RPS6KB1: variants seen among roughly 807,000 people sequenced by gnomAD.
The protein encoded by RPS6KB1 is ribosomal protein S6 kinase beta-1.
Under a neutral mutation model 70.2 loss-of-function variants are expected in RPS6KB1, and 12 were observed. The observed-to-expected ratio is 0.17, with a 90% CI of 0.11 to 0.28. The LOEUF (loss-of-function observed/expected upper bound fraction) is 0.28, where lower values mean the gene tolerates loss of function less well. Ranked by LOEUF, RPS6KB1 falls within the 10% of genes least tolerant of loss-of-function variation. The pLI is 1.00. For synonymous variants in RPS6KB1, 175 were observed against 211.2 expected, an observed-to-expected ratio of 0.83 and a Z score of 1.49; for missense variants, 270 against 646.6, an observed-to-expected ratio of 0.42 and a Z score of 6.32.
At chr17:59,915,792 T>TTTTG (rs2042922496) in intron 4 of RPS6KB1, among the ~76,000 whole-genome samples, 1 of 133,502 alleles carries the variant, frequency 7.5e-6, no homozygotes, top group South Asian at 2.4e-4. Flanking sequence ...TTTTTTTTTT[T>TTTTG]TTTTTTTATT....
At chr17:59,927,804 C>T (rs1458799910) in intron 5 of RPS6KB1, among the ~76,000 whole-genome samples, 5 of 151,180 alleles carry the variant, frequency 3.3e-5, no homozygotes, top group Admixed American at 1.3e-4. Flanking sequence ...ACTGTGCCCG[C>T]CCGGAAAAAC....
intron 4 of RPS6KB1, among the ~76,000 whole-genome samples, chr17:59,922,873 T>TG (rs1029467094): frequency 1.9e-5 from 2 of 107,204 alleles, no homozygotes; most frequent in African/African-American, 6.2e-5. Context: ...AATTTGTTTG[T>TG]TTTTTTTTTT....
chr17:59,909,461 T>G (rs1265006004), intron 1 of RPS6KB1, among the ~76,000 whole-genome samples: 1 of 150,474 alleles, frequency 6.6e-6, no homozygotes, highest in Non-Finnish European at 1.5e-5. Context: ...AGAGACTGGA[T>G]TTCATCGTAT....
At chr17:59,943,135 A>G (rs1227095608) in intron 13 of RPS6KB1, among the ~76,000 whole-genome samples, 1 of 152,226 alleles carries the variant, frequency 6.6e-6, no homozygotes, top group African/African-American at 2.4e-5. Flanking sequence ...ACAGTATTAC[A>G]TAAGAGATAA....
At chr17:59,900,780 T>C (rs760736992) in intron 1 of RPS6KB1, among the ~76,000 whole-genome samples, 8 of 152,134 alleles carry the variant, frequency 5.3e-5, no homozygotes, top group Non-Finnish European at 1.2e-4. Flanking sequence ...TGCTGCCAAG[T>C]TTTTTGTTGT....
rs2145089852 is a variant in RPS6KB1, at chr17:59,947,377, A to C, written c.*589A>C. On this transcript the variant is annotated 3_prime_UTR_variant, in exon 15 of 15. Coordinates refer to ENST00000225577, the MANE Select transcript of RPS6KB1 (RefSeq NM_003161.4). ...AAAACATCCCAAACTTTAAAATGCG[A>C]AATTATTGGTTGGTGTGAAGAAAGC... 1 of 1,225,336 alleles carries C rather than the reference A, an allele frequency of 8.2e-7. No homozygotes were observed. Among genetic ancestry groups the C allele is most frequent in the Admixed American group, 4.3e-5 (1 of 23,452 alleles). The allele number at this position is 1,225,336 out of a possible 1,614,324, so 75.9% of individuals were successfully genotyped here.
rs2044930541 is a variant in RPS6KB1 at position 59,946,457 on chromosome 17, G to A, written c.1341-94G>A. ...AAAATAAAATTAAATGAAAATAAATGTCATGTTACCCCACTCCCTTTAAAC... is the reference window on the plus strand; with the variant it reads ...AAAATAAAATTAAATGAAAATAAATATCATGTTACCCCACTCCCTTTAAAC... On this transcript the variant is annotated intron_variant, in intron 14 of 14. Transcript: ENST00000225577. This position sits in a 1 kb window ranked among gnomAD's most constrained non-coding sequence, Gnocchi z 4.2. The A allele has an allele frequency of 2.1e-6, 2 of 946,588 alleles. No individual in the cohort carries two copies. Among genetic ancestry groups the A allele is most frequent in the African/African-American group, 3.3e-5 (2 of 60,614 alleles). The allele number at this position is 946,588 out of a possible 1,614,324, so 58.6% of individuals were successfully genotyped here. A position where few individuals can be genotyped will look rare whatever the true frequency, so the allele number is the denominator to read the frequency against.
chr17:59,905,534 TG>T (rs1456640414), intron 1 of RPS6KB1, among the ~76,000 whole-genome samples: 3 of 151,878 alleles, frequency 2.0e-5, no homozygotes, highest in Admixed American at 6.6e-5. Flanking sequence ...GACGGAGTTT[TG>T]CTCTTGTTGC....
intron 12 of RPS6KB1, among the ~76,000 whole-genome samples, chr17:59,939,356 A>G (rs563829531): frequency 6.6e-6 from 1 of 152,092 alleles, no homozygotes; most frequent in Non-Finnish European, 1.5e-5. Flanking sequence ...ATCTCTGTCT[A>G]CTGCAGCCTT....
chr17:59,944,508 C>T (rs2044804313), intron 13 of RPS6KB1, among the ~76,000 whole-genome samples: 1 of 152,034 alleles, frequency 6.6e-6, no homozygotes. Context: ...TAGCTTGGGT[C>T]CAGGAGTTTG....
At chr17:59,897,081 G>T (rs1011840803) in intron 1 of RPS6KB1, among the ~76,000 whole-genome samples, 1 of 152,168 alleles carries the variant, frequency 6.6e-6, no homozygotes, top group African/African-American at 2.4e-5. Context: ...TGAGGCATAG[G>T]CCATATGATA....
intron 12 of RPS6KB1, among the ~76,000 whole-genome samples, chr17:59,938,855 CTA>C (rs1339748262): frequency 6.6e-6 from 1 of 151,908 alleles, no homozygotes; most frequent in Non-Finnish European, 1.5e-5. Flanking sequence ...GGAGGGAATG[CTA>C]TAGGTACCTT....
intron 4 of RPS6KB1, among the ~76,000 whole-genome samples, chr17:59,919,260 C>CA (rs1444687904): frequency 6.6e-6 from 1 of 152,144 alleles, no homozygotes; most frequent in East Asian, 1.9e-4. Context: ...TGTGGTGGCT[C>CA]ACGCCTGTAA....
intron 3 of RPS6KB1, among the ~76,000 whole-genome samples, chr17:59,914,160 G>A (rs1414006768): frequency 6.6e-6 from 1 of 152,132 alleles, no homozygotes; most frequent in Non-Finnish European, 1.5e-5. Flanking sequence ...GTAATTTCCT[G>A]CCAACTATTT....
At chr17:59,901,203 A>G (rs1440924300) in intron 1 of RPS6KB1, among the ~76,000 whole-genome samples, 1 of 150,068 alleles carries the variant, frequency 6.7e-6, no homozygotes, top group Non-Finnish European at 1.5e-5. Flanking sequence ...AGGCTGGAGT[A>G]CAGTGGCGCG....
chr17:59,897,340 G>A (rs1038743801), intron 1 of RPS6KB1, among the ~76,000 whole-genome samples: 5 of 152,162 alleles, frequency 3.3e-5, no homozygotes, highest in Non-Finnish European at 7.3e-5. Flanking sequence ...ATATCCTGGC[G>A]TATTAAGCAA....
chr17:59,906,768 A>G (rs1255778063), intron 1 of RPS6KB1, among the ~76,000 whole-genome samples: 8 of 151,894 alleles, frequency 5.3e-5, no homozygotes, highest in Admixed American at 5.3e-4. Context: ...GATCTCGCTC[A>G]CCGCAACGTC....
At chr17:59,898,574 C>T (rs768820294) in intron 1 of RPS6KB1, among the ~76,000 whole-genome samples, 2 of 151,872 alleles carry the variant, frequency 1.3e-5, no homozygotes, top group Non-Finnish European at 2.9e-5. Context: ...CTGCCTCAGC[C>T]TCCCGAGTAG....
At chr17:59,910,028 T>TAC (rs895831792) in intron 1 of RPS6KB1, among the ~76,000 whole-genome samples, 1 of 148,552 alleles carries the variant, frequency 6.7e-6, no homozygotes, top group African/African-American at 2.5e-5. Flanking sequence ...TATATATATA[T>TAC]ACACAAAAAT....
Sources: allele counts gnomAD v4.1 joint callset (sites outside exome capture counted in the v4.1 genomes callset), GRCh38; gene constraint gnomAD v4.1.1; non-coding constraint Gnocchi (gnomAD v3.1); transcripts MANE v1.5; gene names NCBI Gene and HGNC (gene_info 2026-07-23, HGNC 2026-07-21).